WRN: variants seen among roughly 807,000 people sequenced by gnomAD.
WRN encodes the protein WRN RecQ like helicase, also known as bifunctional 3'-5' exonuclease/ATP-dependent helicase WRN.
WRN carries 149 observed loss-of-function variants against 180.7 expected under a neutral mutation model. The observed-to-expected ratio is 0.82, with a 90% CI of 0.72 to 0.94. The LOEUF is 0.94. Among genes scored for constraint, WRN ranks in the 40% least tolerant of loss-of-function variants. WRN has a pLI of 0.00. For synonymous variants in WRN, 548 were observed against 568.9 expected, an observed-to-expected ratio of 0.96 and a Z score of 0.52; for missense variants, 1,661 against 1,700.1, an observed-to-expected ratio of 0.98 and a Z score of 0.40.
At chr8:31,034,738 G>A (rs951550366) in intron 1 of WRN, among the ~76,000 whole-genome samples, 1 of 152,202 alleles carries the variant, frequency 6.6e-6, no homozygotes, top group Non-Finnish European at 1.5e-5. Flanking sequence ...TTCAGCCTTG[G>A]TTACAAGCAG....
At chr8:31,118,977 C>T (rs1243543920) in intron 20 of WRN, among the ~76,000 whole-genome samples, 1 of 151,790 alleles carries the variant, frequency 6.6e-6, no homozygotes, top group Non-Finnish European at 1.5e-5. Flanking sequence ...GTTGATCTCA[C>T]CTAAAAATAA....
At chr8:31,130,001 T>C in intron 23 of WRN, among the ~76,000 whole-genome samples, 1 of 63,434 alleles carries the variant, frequency 1.6e-5, no homozygotes, top group African/African-American at 5.4e-5. Context: ...GACACTCTTG[T>C]CTCAAAAAAA....
chr8:31,132,485 A>G lies in WRN; in HGVS notation c.2946A>G (p.Pro982=), dbSNP rs145367571. Residue 982 remains proline, a synonymous_variant, in exon 24 of 35, where the codon CCA becomes CCG. Coordinates refer to ENST00000298139, the MANE Select transcript of WRN (RefSeq NM_000553.6). ...ILGEKFGIGL[P]ILFLRGSNSQ... ...GCGAAAAATTTGGAATTGGGCTTCCAATTTTATTTCTCCGAGGATCTGTAA... is the reference window on the plus strand; with the variant it reads ...GCGAAAAATTTGGAATTGGGCTTCCGATTTTATTTCTCCGAGGATCTGTAA... The G allele has an allele frequency of 5.0e-6, 8 of 1,614,132 alleles. No individual in the cohort carries two copies. Among genetic ancestry groups the G allele is most frequent in the South Asian group, 1.1e-5 (1 of 91,090 alleles).
intron 27 of WRN, among the ~76,000 whole-genome samples, chr8:31,143,087 A>T (rs1802723217): frequency 6.7e-6 from 1 of 150,130 alleles, no homozygotes; most frequent in Non-Finnish European, 1.5e-5. Flanking sequence ...ACACACACAC[A>T]TGCACACACA....
At position 31,147,396 on chromosome 8, in the gene WRN, G is replaced by A. The variant is rs2130440737; in HGVS notation, c.3492G>A (p.Arg1164=). The A allele has an allele frequency of 6.2e-7, 1 of 1,613,986 alleles. No individual in the cohort carries two copies. The highest frequency in any genetic ancestry group is 8.5e-7 in the Non-Finnish European group (1 of 1,179,952). ...TATATGGCAAATTGGTAGAAGCTAGGCAGAAACATGCCAATAAAATGGATG... is the reference window on the plus strand; with the variant it reads ...TATATGGCAAATTGGTAGAAGCTAGACAGAAACATGCCAATAAAATGGATG... ...IVLYGKLVEA[R]QKHANKMDVP... is the part of the protein sequence containing the mutation. Residue 1164 remains arginine, a synonymous_variant, in exon 30 of 35, where the codon AGG becomes AGA. Coordinates refer to ENST00000298139, the MANE Select transcript of WRN (RefSeq NM_000553.6).
intron 17 of WRN, among the ~76,000 whole-genome samples, chr8:31,099,827 A>T (rs1814150774): frequency 6.6e-6 from 1 of 152,130 alleles, no homozygotes; most frequent in Admixed American, 6.6e-5. Context: ...TATGTGAATG[A>T]TATAATTTAA....
At chr8:31,169,186 T>G (rs933380103) in intron 34 of WRN, among the ~76,000 whole-genome samples, 21 of 151,800 alleles carry the variant, frequency 1.4e-4, no homozygotes, top group African/African-American at 5.1e-4. Context: ...ATTCTTTTTA[T>G]TTCTTCATTT....
chr8:31,090,924 A>G lies in WRN; in HGVS notation c.1811A>G (p.Asp604Gly). Residue 604 changes from aspartate (D) to glycine (G), a missense_variant, in exon 15 of 35, where the codon GAC becomes GGC. Coordinates refer to ENST00000298139, the MANE Select transcript of WRN (RefSeq NM_000553.6). ...VISPLISLME[D>G]QVLQLKMSNI... ...TCTCCCCTTATTTCTCTGATGGAAG[A>G]CCAAGTGCTACAGCTTAAGTAAGTC... 6.2e-7 allele frequency: 1 copy of G among 1,612,638 alleles called. No individual in the cohort carries two copies. The highest frequency in any genetic ancestry group is 8.5e-7 in the Non-Finnish European group (1 of 1,178,944).
chr8:31,135,670 A>T (rs41520844), intron 24 of WRN, among the ~76,000 whole-genome samples: 10,497 of 152,160 alleles, frequency 0.069, 424 homozygotes, highest in African/African-American at 0.091. Context: ...TTTTGGTGTG[A>T]TACTGTGGAT....
intron 1 of WRN, among the ~76,000 whole-genome samples, chr8:31,056,827 A>G (rs934124370): frequency 2.0e-5 from 3 of 152,186 alleles, no homozygotes; most frequent in African/African-American, 7.2e-5. Context: ...AACAATCTAG[A>G]TAGTTGAACT....
rs1563329896 is a variant in WRN, at chr8:31,064,963, A to C, written c.404A>C (p.Lys135Thr). Residue 135 changes from lysine to threonine, a missense_variant, in exon 5 of 35, where the codon AAG (lysine) becomes ACG (threonine). Transcript: ENST00000298139. ...TTGCTTGAAAATAAAGCAGTTAAAA[A>C]GGCAGGTGTAGGAATTGAAGGAGAT... ...KMLLENKAVK[K>T]AGVGIEGDQW... The C allele has an allele frequency of 6.2e-7, 1 of 1,613,764 alleles. No homozygotes were observed. The highest frequency in any genetic ancestry group is 2.2e-5 in the East Asian group (1 of 44,760).
At chr8:31,153,090 C>T (rs1395477337) in intron 31 of WRN, among the ~76,000 whole-genome samples, 1 of 151,940 alleles carries the variant, frequency 6.6e-6, no homozygotes, top group East Asian at 1.9e-4. Flanking sequence ...GGTGAGCTGG[C>T]TTCCTGTATA....
At chr8:31,157,894 T>A (rs2737343) in intron 33 of WRN, among the ~76,000 whole-genome samples, 150 of 151,858 alleles carry the variant, frequency 9.9e-4, no homozygotes, top group African/African-American at 3.6e-3. Context: ...TGCCCAGCTA[T>A]TTTTTGTATT....
At chr8:31,082,940 AAAAAT>A (rs1200048712) in intron 9 of WRN, among the ~76,000 whole-genome samples, 2 of 152,190 alleles carry the variant, frequency 1.3e-5, no homozygotes, top group South Asian at 2.1e-4. Context: ...AGAACTTTTA[AAAAAT>A]AAAATAACTT....
chr8:31,072,729 A>G (rs1044566993), intron 7 of WRN, among the ~76,000 whole-genome samples: 2 of 152,226 alleles, frequency 1.3e-5, no homozygotes, highest in Non-Finnish European at 1.5e-5. Context: ...GGGAACGTTT[A>G]TTGATGCATA....
At chr8:31,082,721 C>T (rs763742706) in intron 9 of WRN, among the ~76,000 whole-genome samples, 28 of 151,912 alleles carry the variant, frequency 1.8e-4, no homozygotes, top group Non-Finnish European at 3.2e-4. Flanking sequence ...CTCAGCCTCC[C>T]GAGTCACTGG....
At position 31,142,634 on chromosome 8, in the gene WRN, C is replaced by A; in HGVS notation, c.3242C>A (p.Thr1081Asn). The change falls in exon 27 of 35, where the codon ACT becomes AAT. Residue 1081 changes from threonine to asparagine, a missense_variant. This residue lies in a region of WRN where 1,141 missense variants were observed against 1,149.4 expected (regional missense o/e 0.99). Transcript: ENST00000298139. Reference sequence around the variant, plus strand: ...ATTTTATTATTTTTTAGTTCGAAAACTGTATCTTCGGGCACCAAAGAGCAT... The same window carrying A: ...ATTTTATTATTTTTTAGTTCGAAAAATGTATCTTCGGGCACCAAAGAGCAT... ...PKKLLLPSSK[T>N]VSSGTKEHCY... 6.3e-7 allele frequency: 1 copy of A among 1,597,590 alleles called. No homozygotes were observed.
chr8:31,165,650 A>G (rs919874560), intron 33 of WRN, among the ~76,000 whole-genome samples: 1 of 152,132 alleles, frequency 6.6e-6, no homozygotes, highest in African/African-American at 2.4e-5. Context: ...GCTAAATTTT[A>G]ACTGGAAATA....
intron 1 of WRN, among the ~76,000 whole-genome samples, chr8:31,050,267 T>TA (rs907767589): frequency 3.3e-5 from 5 of 152,260 alleles, no homozygotes; most frequent in African/African-American, 7.2e-5. Flanking sequence ...TATAGGCCAA[T>TA]AAAAACCATA....
Sources: allele counts gnomAD v4.1 joint callset (sites outside exome capture counted in the v4.1 genomes callset), GRCh38; gene constraint gnomAD v4.1.1; regional missense constraint gnomAD v4.1.1; transcripts MANE v1.5; gene names NCBI Gene and HGNC (gene_info 2026-07-23, HGNC 2026-07-21).